Variants in IL1RAPL1 observed in about 807,000 individuals in gnomAD.
IL1RAPL1 encodes interleukin-1 receptor accessory protein-like 1.
Under a neutral mutation model 48.4 loss-of-function variants are expected in IL1RAPL1, and 3 were observed. The observed-to-expected ratio is 0.06, with a 90% CI of 0.03 to 0.16. The LOEUF (loss-of-function observed/expected upper bound fraction) is 0.16, where lower values mean the gene tolerates loss of function less well. Ranked by LOEUF, IL1RAPL1 falls within the 10% of genes least tolerant of loss-of-function variation. IL1RAPL1 has a pLI of 1.00. For synonymous variants in IL1RAPL1, 185 were observed against 187.7 expected, an observed-to-expected ratio of 0.99 and a Z score of 0.12; for missense variants, 349 against 530.6, an observed-to-expected ratio of 0.66 and a Z score of 3.36.
At chrX:28,762,872 A>G (rs1936193884) in intron 1 of IL1RAPL1, among the ~76,000 whole-genome samples, 1 of 108,781 alleles carries the variant, frequency 9.2e-6, no homozygotes, top group Non-Finnish European at 1.9e-5. Context: ...CACGTAACCA[A>G]AGCAGAGGAA....
chrX:29,014,905 A>G (rs149594482), intron 2 of IL1RAPL1, among the ~76,000 whole-genome samples: 303 of 111,626 alleles, frequency 2.7e-3, no homozygotes, highest in Non-Finnish European at 4.9e-3. Flanking sequence ...AGTCAGACAT[A>G]GTTGCTGCTA....
intron 2 of IL1RAPL1, among the ~76,000 whole-genome samples, chrX:28,939,810 G>A (rs895476430): frequency 9.0e-6 from 1 of 111,302 alleles, no homozygotes; most frequent in African/African-American, 3.3e-5. Context: ...ATTGAATCTC[G>A]TCATCAGAGT....
intron 5 of IL1RAPL1, among the ~76,000 whole-genome samples, chrX:29,443,399 A>G (rs150422583): frequency 1.8e-5 from 2 of 111,334 alleles, no homozygotes; most frequent in African/African-American, 6.5e-5. Context: ...CCCCTTACAA[A>G]TGGCAACATT....
intron 5 of IL1RAPL1, among the ~76,000 whole-genome samples, chrX:29,479,025 A>G (rs1424806037): frequency 1.8e-5 from 2 of 109,095 alleles, no homozygotes; most frequent in African/African-American, 6.9e-5. Flanking sequence ...ATCTGAAAGC[A>G]GAAGTTTTTT....
chrX:29,105,147 G>A (rs1928423168), intron 2 of IL1RAPL1, among the ~76,000 whole-genome samples: 1 of 111,637 alleles, frequency 9.0e-6, no homozygotes, highest in Non-Finnish European at 1.9e-5. Context: ...TCTATATAAA[G>A]GAAGACATTG....
intron 1 of IL1RAPL1, among the ~76,000 whole-genome samples, chrX:28,711,686 C>T (rs1345237019): frequency 9.3e-6 from 1 of 107,045 alleles, no homozygotes; most frequent in African/African-American, 3.4e-5. Flanking sequence ...TTTCAAGGGC[C>T]TGGCCAAGAA....
At chrX:29,152,286 A>G (rs527395067) in intron 2 of IL1RAPL1, among the ~76,000 whole-genome samples, 2 of 111,660 alleles carry the variant, frequency 1.8e-5, no homozygotes, top group Admixed American at 9.5e-5. Flanking sequence ...GGAAACTACA[A>G]TTAAAGATGA....
intron 2 of IL1RAPL1, among the ~76,000 whole-genome samples, chrX:28,873,965 TC>T (rs1313965752): frequency 1.0e-5 from 1 of 99,462 alleles, no homozygotes; most frequent in Non-Finnish European, 2.0e-5. Flanking sequence ...TTTTTGCTTC[TC>T]CAGTAAAAAA....
chrX:29,598,276 T>C (rs1432345565), intron 5 of IL1RAPL1, among the ~76,000 whole-genome samples: 1 of 112,458 alleles, frequency 8.9e-6, no homozygotes, highest in Non-Finnish European at 1.9e-5. Context: ...TTGATTTCGT[T>C]GTTAACCCAA....
chrX:28,855,338 A>T (rs1386469571), intron 2 of IL1RAPL1, among the ~76,000 whole-genome samples: 1 of 110,764 alleles, frequency 9.0e-6, no homozygotes, highest in African/African-American at 3.3e-5. Context: ...ATTTTTAATT[A>T]CTTCCGTCCT....
chrX:29,174,241 G>T (rs182687816), intron 2 of IL1RAPL1, among the ~76,000 whole-genome samples: 1 of 111,510 alleles, frequency 9.0e-6, no homozygotes. Flanking sequence ...CAAGTTTAAA[G>T]TAGTTGACAG....
intron 5 of IL1RAPL1, among the ~76,000 whole-genome samples, chrX:29,608,382 G>A (rs1404367210): frequency 9.6e-6 from 1 of 104,230 alleles, no homozygotes; most frequent in Non-Finnish European, 1.9e-5. Context: ...TCATAGAAGG[G>A]GTTTCAAAAA....
At chrX:28,806,632 A>G (rs1936735016) in intron 2 of IL1RAPL1, among the ~76,000 whole-genome samples, 1 of 111,278 alleles carries the variant, frequency 9.0e-6, no homozygotes, top group Admixed American at 9.6e-5. Context: ...TTAATTCAGA[A>G]CATAAATTAG....
chrX:28,661,317 AC>A (rs1423835270), intron 1 of IL1RAPL1, among the ~76,000 whole-genome samples: 17 of 111,901 alleles, frequency 1.5e-4, no homozygotes, highest in African/African-American at 5.5e-4. Flanking sequence ...AAAATAGAAA[AC>A]TAGCATTTCT....
chrX:29,899,400 T>A (rs1023802815), intron 6 of IL1RAPL1, among the ~76,000 whole-genome samples: 15 of 111,209 alleles, frequency 1.3e-4, no homozygotes, highest in African/African-American at 4.6e-4. Flanking sequence ...TTTCAAGTGA[T>A]TTTAAAGACA....
chrX:29,031,350 C>T (rs781027860), intron 2 of IL1RAPL1, among the ~76,000 whole-genome samples: 15 of 112,085 alleles, frequency 1.3e-4, no homozygotes, highest in Admixed American at 3.8e-4. Flanking sequence ...GCTACCATAA[C>T]AGGCCTATGG....
intron 6 of IL1RAPL1, among the ~76,000 whole-genome samples, chrX:29,673,324 T>G (rs1042086987): frequency 1.6e-4 from 18 of 111,787 alleles, no homozygotes; most frequent in Non-Finnish European, 7.5e-5. Flanking sequence ...TACTGTTGAG[T>G]CTAAACATTA....
At chrX:29,361,709 T>C (rs1251774068) in intron 3 of IL1RAPL1, among the ~76,000 whole-genome samples, 1 of 112,429 alleles carries the variant, frequency 8.9e-6, no homozygotes, top group African/African-American at 3.2e-5. Flanking sequence ...TCATACAGTA[T>C]GGCCTTTGTG....
At chrX:28,657,316 A>G (rs1934761034) in intron 1 of IL1RAPL1, among the ~76,000 whole-genome samples, 3 of 111,884 alleles carry the variant, frequency 2.7e-5, no homozygotes, top group African/African-American at 9.7e-5. Context: ...GAGATATTGA[A>G]ATTTCACTTT....
Sources: gnomAD v4.1 joint callset for allele counts (sites outside exome capture counted in the v4.1 genomes callset) on GRCh38, gnomAD v4.1.1 for gene constraint, MANE v1.5 for transcripts, NCBI Gene and HGNC (gene_info 2026-07-23, HGNC 2026-07-21) for gene names.